Variants in LRRC27 observed in about 807,000 individuals in gnomAD.
LRRC27 encodes the protein leucine-rich repeat-containing protein 27.
Under a neutral mutation model 55.0 loss-of-function variants are expected in LRRC27, and 57 were observed. The observed-to-expected ratio is 1.04, with a 90% CI of 0.84 to 1.29. LRRC27 has a LOEUF of 1.29. LRRC27 is among the 50% of genes most tolerant of loss of function. LRRC27 has a pLI of 0.00. For synonymous variants in LRRC27, 278 were observed against 251.9 expected (o/e 1.10, Z -0.98); for missense variants, 721 against 651.5 (o/e 1.11, Z -1.16).
chr10:132,331,978 C>G (rs1379332842), upstream of LRRC27: 7 of 482,564 alleles, frequency 1.5e-5, no homozygotes, highest in Admixed American at 1.3e-4. Flanking sequence ...CGCCCCCTCC[C>G]GGGCAGGCGC....
intron 8 of LRRC27, among the ~76,000 whole-genome samples, chr10:132,360,636 A>G (rs982917552): frequency 3.3e-5 from 5 of 152,040 alleles, no homozygotes; most frequent in Non-Finnish European, 5.9e-5. Context: ...TCAGGCATGT[A>G]CTAGGATTAA....
chr10:132,374,177 G>A lies in LRRC27; in HGVS notation c.1417-889G>A, dbSNP rs942357479. On this transcript the variant is annotated intron_variant, in intron 10 of 10. Coordinates refer to ENST00000368614, the MANE Select transcript of LRRC27 (RefSeq NM_030626.3). The surrounding 1 kb of genome is among the most constrained non-coding windows in gnomAD (Gnocchi z 4.4). The stretch of plus-strand genomic sequence containing the variant: ...GGTGCAGTGGCTCCAGGGACCTGCT[G>A]TGATATGGCTGCATGGTGAGGGGGT... Among the ~76,000 whole-genome samples, 7 of 135,938 alleles carry A rather than the reference G, an allele frequency of 5.1e-5. No homozygotes were observed. Among genetic ancestry groups the A allele is most frequent in the African/African-American group, 1.0e-4 (4 of 38,124 alleles). The allele number at this position is 135,938 out of a possible 152,430, so 89.2% of individuals were successfully genotyped here. A position where few individuals can be genotyped will look rare whatever the true frequency, so the allele number is the denominator to read the frequency against.
Position 132,361,417 on chromosome 10 carries a change from C to T in LRRC27, c.1171-40C>T, listed in dbSNP as rs199676649. 3.3e-6 allele frequency: 5 copies of T among 1,495,706 alleles called. No homozygotes were observed. The African/African-American group carries it at 5.5e-5, about 16-fold the overall frequency. The allele number at this position is 1,495,706 out of a possible 1,614,324, so 92.7% of individuals were successfully genotyped here. A position where few individuals can be genotyped will look rare whatever the true frequency, so the allele number is the denominator to read the frequency against. On this transcript the variant is annotated intron_variant, in intron 8 of 10. Transcript: ENST00000368614. ...GGTTAGCTTTGTGGAAAAACATCAT[C>T]TACTGGGATTCCAGAAATCATCTTG...
intron 10 of LRRC27, among the ~76,000 whole-genome samples, chr10:132,367,297 T>C (rs949486628): frequency 6.6e-6 from 1 of 152,220 alleles, no homozygotes; most frequent in African/African-American, 2.4e-5. Flanking sequence ...TGTTCACTGG[T>C]GAATTCTACC....
intron 4 of LRRC27, 100 bp from the exon 5 acceptor site, chr10:132,344,398 A>T: frequency 7.9e-7 from 1 of 1,264,236 alleles, no homozygotes; most frequent in African/African-American, 1.5e-5. Context: ...ACTGAATAGA[A>T]TCATATTTTA....
upstream of LRRC27, chr10:132,331,931 G>C: frequency 3.7e-6 from 2 of 534,918 alleles, no homozygotes; most frequent in Non-Finnish European, 5.6e-6. Context: ...CCCACCGCAA[G>C]CGCAACCCCC....
intron 7 of LRRC27, chr10:132,353,475 A>G: frequency 1.1e-6 from 1 of 931,048 alleles, no homozygotes; most frequent in Non-Finnish European, 1.3e-6. Context: ...GTGATTGTCC[A>G]CAGCTGTCAC....
chr10:132,371,761 C>G (rs1402265261), intron 10 of LRRC27, among the ~76,000 whole-genome samples: 1 of 152,238 alleles, frequency 6.6e-6, no homozygotes, highest in Non-Finnish European at 1.5e-5. Flanking sequence ...CCCCTCCCTT[C>G]CTGGCTGGAA....
At chr10:132,351,487 G>T in intron 6 of LRRC27, 120 bp from the exon 7 acceptor site, 8 of 1,114,938 alleles carry the variant, frequency 7.2e-6, no homozygotes, top group African/African-American at 1.6e-5. Flanking sequence ...GCTTCTAGTC[G>T]TGCTAATTGT....
At chr10:132,361,161 A>G (rs1405598446) in intron 8 of LRRC27, among the ~76,000 whole-genome samples, 2 of 152,178 alleles carry the variant, frequency 1.3e-5, no homozygotes, top group African/African-American at 2.4e-5. Flanking sequence ...GCATAAGGGC[A>G]TGCAGGGCAG....
intron 2 of LRRC27, chr10:132,336,668 TG>T: frequency 1.5e-6 from 1 of 678,676 alleles, no homozygotes; most frequent in South Asian, 1.6e-5. Context: ...ATGAGGACAC[TG>T]GAGCACAGAG....
chr10:132,370,349 C>A (rs543629629), intron 10 of LRRC27, among the ~76,000 whole-genome samples: 19 of 152,322 alleles, frequency 1.2e-4, no homozygotes, highest in African/African-American at 4.3e-4. Flanking sequence ...GCCCAGGAGA[C>A]AGGGACATAA....
chr10:132,353,985 GC>G (rs2068189117), intron 7 of LRRC27, among the ~76,000 whole-genome samples: 1 of 152,214 alleles, frequency 6.6e-6, no homozygotes, highest in Admixed American at 6.5e-5. Context: ...CCAGACACCT[GC>G]CCCCTTGACT....
intron 8 of LRRC27, among the ~76,000 whole-genome samples, chr10:132,360,221 G>T (rs1057112703): frequency 6.6e-5 from 10 of 152,106 alleles, no homozygotes; most frequent in African/African-American, 2.4e-4. Flanking sequence ...TCAGCCTCCT[G>T]AGTAGCTAGA....
At chr10:132,370,937 C>T (rs2069198495) in intron 10 of LRRC27, among the ~76,000 whole-genome samples, 1 of 152,216 alleles carries the variant, frequency 6.6e-6, no homozygotes, top group Non-Finnish European at 1.5e-5. Context: ...GTGTGTCTTT[C>T]CTTAGAGCAG....
rs967572767 is a variant in LRRC27, at chr10:132,376,482, A to G, written c.*1240A>G. ...GAGCAGCAGACGTTTGCCATTTCTC[A>G]CGCCTGAGGGCAGGCGTTGGAGCAG... On this transcript the variant is annotated 3_prime_UTR_variant, in exon 11 of 11. Transcript: ENST00000368614. 1.3e-5 allele frequency: 2 copies of G among 152,260 alleles called. No homozygotes were observed. The highest frequency in any genetic ancestry group is 4.8e-5 in the African/African-American group (2 of 41,468). 9.4% of individuals were successfully genotyped at this position (152,260 alleles called of 1,614,324 possible). A position where few individuals can be genotyped will look rare whatever the true frequency, so the allele number is the denominator to read the frequency against.
intron 6 of LRRC27, 85 bp from the exon 7 acceptor site, chr10:132,351,522 C>A: frequency 6.9e-7 from 1 of 1,452,694 alleles, no homozygotes; most frequent in Non-Finnish European, 9.5e-7. Context: ...GATCCACAGG[C>A]CCTCCTTTTA....
chr10:132,331,417 C>A, upstream of LRRC27: 1 of 1,595,550 alleles, frequency 6.3e-7, no homozygotes, highest in South Asian at 1.1e-5. Flanking sequence ...TTCTCAAAAC[C>A]CTTCCTCAGG....
chr10:132,362,629 ACAGCAGCTCGGGGGTCCAGGGCTCACC>A, intron 9 of LRRC27, among the ~76,000 whole-genome samples: 1 of 142,086 alleles, frequency 7.0e-6, no homozygotes, highest in Admixed American at 6.9e-5. Flanking sequence ...TTCTCACCTC[ACAGCAGCTCGGGGGTCCAGGGCTCACC>A]CTTCTCACCT....
Sources: allele counts gnomAD v4.1 joint callset (sites outside exome capture counted in the v4.1 genomes callset), GRCh38; gene constraint gnomAD v4.1.1; non-coding constraint Gnocchi (gnomAD v3.1); transcripts MANE v1.5; gene names NCBI Gene and HGNC (gene_info 2026-07-23, HGNC 2026-07-21).